ERC2: variants seen among roughly 807,000 people sequenced by gnomAD.
ERC2 encodes ERC protein 2.
Under a neutral mutation model 114.8 loss-of-function variants are expected in ERC2, and 42 were observed. That is an observed-to-expected ratio of 0.37 (90% CI 0.29 to 0.47). The LOEUF (loss-of-function observed/expected upper bound fraction) is 0.47, where lower values mean the gene tolerates loss of function less well. ERC2 is among the 20% of genes least tolerant of loss of function. The probability of loss-of-function intolerance (pLI) is 0.99; values close to 1 mark genes in which losing one functional copy is unlikely to be tolerated. For missense variants in ERC2, 939 were observed against 1,150.7 expected, an observed-to-expected ratio of 0.82 and a Z score of 2.66; for synonymous variants, 454 against 425.5, an observed-to-expected ratio of 1.07 and a Z score of -0.82.
At chr3:56,406,452 G>T (rs1393161799) in intron 2 of ERC2, among the ~76,000 whole-genome samples, 2 of 152,176 alleles carry the variant, frequency 1.3e-5, no homozygotes, top group East Asian at 3.9e-4. Context: ...TCACCCCCTT[G>T]TTGTAATTGT....
intron 3 of ERC2, among the ~76,000 whole-genome samples, chr3:56,275,590 G>T (rs1364009542): frequency 6.6e-6 from 1 of 152,202 alleles, no homozygotes; most frequent in African/African-American, 2.4e-5. Context: ...TAGAGCTTTA[G>T]ATCAGTGCAT....
intron 14 of ERC2, among the ~76,000 whole-genome samples, chr3:55,783,712 A>G (rs1334631120): frequency 6.6e-6 from 1 of 152,134 alleles, no homozygotes; most frequent in Non-Finnish European, 1.5e-5. Context: ...AATATAGAAA[A>G]AAAAATAGTC....
chr3:55,550,190 A>G (rs1378898997), intron 17 of ERC2, among the ~76,000 whole-genome samples: 1 of 151,668 alleles, frequency 6.6e-6, no homozygotes, highest in East Asian at 1.9e-4. Flanking sequence ...CCTTTGCACC[A>G]CCTGTTTCCC....
At chr3:56,187,552 A>C (rs570604635) in intron 3 of ERC2, among the ~76,000 whole-genome samples, 1 of 152,274 alleles carries the variant, frequency 6.6e-6, no homozygotes, top group East Asian at 1.9e-4. Flanking sequence ...GCATCCACAC[A>C]CTAAAATTAA....
intron 17 of ERC2, among the ~76,000 whole-genome samples, chr3:55,539,403 CT>C (rs1173580811): frequency 3.3e-5 from 3 of 90,992 alleles, no homozygotes; most frequent in Admixed American, 1.3e-4. Flanking sequence ...CTCTCTCTCT[CT>C]TTTTTTCTTT....
At chr3:56,189,748 A>T (rs2083871116) in intron 3 of ERC2, among the ~76,000 whole-genome samples, 1 of 152,120 alleles carries the variant, frequency 6.6e-6, no homozygotes, top group Admixed American at 6.6e-5. Flanking sequence ...TTATCCATGC[A>T]TGGAATTGGA....
chr3:55,783,576 A>G (rs1222920345), intron 14 of ERC2, among the ~76,000 whole-genome samples: 1 of 152,240 alleles, frequency 6.6e-6, no homozygotes, highest in Non-Finnish European at 1.5e-5. Flanking sequence ...CTAAAATAAA[A>G]AACTTTCCTG....
intron 2 of ERC2, among the ~76,000 whole-genome samples, chr3:56,426,652 T>C (rs2061580889): frequency 6.6e-6 from 1 of 152,132 alleles, no homozygotes; most frequent in African/African-American, 2.4e-5. Context: ...TGATCCACCA[T>C]GAGAAGATGA....
chr3:56,025,471 G>C (rs2073981771), intron 7 of ERC2, among the ~76,000 whole-genome samples: 1 of 152,152 alleles, frequency 6.6e-6, no homozygotes, highest in East Asian at 1.9e-4. Flanking sequence ...GTATTATTCA[G>C]CTCCTTGCTG....
chr3:56,420,698 A>T (rs2061353051), intron 2 of ERC2, among the ~76,000 whole-genome samples: 1 of 151,326 alleles, frequency 6.6e-6, no homozygotes, highest in Admixed American at 6.6e-5. Flanking sequence ...AACCTGGCTA[A>T]CACGGTGAAA....
intron 7 of ERC2, among the ~76,000 whole-genome samples, chr3:56,056,747 A>G (rs1356078033): frequency 6.6e-6 from 1 of 152,188 alleles, no homozygotes. Flanking sequence ...AGAGCTCTCA[A>G]TCCTGCACTT....
At chr3:55,691,537 T>G (rs1264688061) in intron 16 of ERC2, among the ~76,000 whole-genome samples, 2 of 79,802 alleles carry the variant, frequency 2.5e-5, no homozygotes, top group Non-Finnish European at 4.4e-5. Flanking sequence ...ACATTAGATT[T>G]GCAATGCAAA....
intron 14 of ERC2, among the ~76,000 whole-genome samples, chr3:55,750,413 C>T (rs775733111): frequency 2.6e-5 from 4 of 152,120 alleles, no homozygotes; most frequent in Non-Finnish European, 4.4e-5. Flanking sequence ...TGTCCAAGGT[C>T]CCATTGCTTT....
chr3:56,177,581 A>C (rs1255852538), intron 3 of ERC2, among the ~76,000 whole-genome samples: 1 of 152,224 alleles, frequency 6.6e-6, no homozygotes, highest in Non-Finnish European at 1.5e-5. Context: ...ACATGCAAGC[A>C]AAATGGTGTG....
At chr3:56,263,345 A>G (rs1380495156) in intron 3 of ERC2, among the ~76,000 whole-genome samples, 3 of 151,732 alleles carry the variant, frequency 2.0e-5, no homozygotes, top group African/African-American at 4.8e-5. Context: ...AGTAGCCTCA[A>G]CAATACAGTG....
At chr3:56,247,828 G>C (rs1440411185) in intron 3 of ERC2, among the ~76,000 whole-genome samples, 1 of 152,194 alleles carries the variant, frequency 6.6e-6, no homozygotes, top group Non-Finnish European at 1.5e-5. Flanking sequence ...CCTTCAGCAA[G>C]TTATTTCCTC....
intron 17 of ERC2, among the ~76,000 whole-genome samples, chr3:55,520,804 T>C (rs2107200707): frequency 6.6e-6 from 1 of 152,254 alleles, no homozygotes; most frequent in East Asian, 1.9e-4. Context: ...AGTAAAACAC[T>C]GTTAAAAAGC....
chr3:56,444,041 C>T (rs1337090741), intron 1 of ERC2, among the ~76,000 whole-genome samples: 1 of 139,806 alleles, frequency 7.2e-6, no homozygotes, highest in African/African-American at 2.7e-5. Flanking sequence ...TGGCTCACTG[C>T]AAGCTCCGCC....
intron 2 of ERC2, among the ~76,000 whole-genome samples, chr3:56,356,757 G>T (rs763484343): frequency 6.6e-6 from 1 of 152,140 alleles, no homozygotes; most frequent in Non-Finnish European, 1.5e-5. Context: ...ATATTCTCTG[G>T]ATACCAGACA....
Sources: gnomAD v4.1 joint callset for allele counts (sites outside exome capture counted in the v4.1 genomes callset) on GRCh38, gnomAD v4.1.1 for gene constraint, MANE v1.5 for transcripts, NCBI Gene and HGNC (gene_info 2026-07-23, HGNC 2026-07-21) for gene names.